Variants in SGCZ observed in about 807,000 individuals in gnomAD.
The protein encoded by SGCZ is sarcoglycan zeta.
In SGCZ, 40 loss-of-function variants were observed where a neutral mutation model predicts 41.3. The ratio of observed to expected loss-of-function variants is 0.97; its 90% CI spans 0.75 to 1.26. The LOEUF is 1.26. SGCZ is among the 50% of genes most tolerant of loss of function. The probability of loss-of-function intolerance (pLI) is 0.00; values close to 1 mark genes in which losing one functional copy is unlikely to be tolerated. For synonymous variants in SGCZ, 206 were observed against 137.5 expected (o/e 1.50, Z -3.49); for missense variants, 552 against 369.8 (o/e 1.49, Z -4.04).
intron 1 of SGCZ, among the ~76,000 whole-genome samples, chr8:15,018,440 C>A (rs188636543): frequency 2.3e-3 from 343 of 152,248 alleles, no homozygotes; most frequent in Non-Finnish European, 4.2e-3. Flanking sequence ...AGGCAGTACT[C>A]TAAGTTAGTC....
chr8:15,074,092 G>A (rs1805446755), intron 1 of SGCZ, among the ~76,000 whole-genome samples: 1 of 152,090 alleles, frequency 6.6e-6, no homozygotes, highest in African/African-American at 2.4e-5. Context: ...GAGCATTGTG[G>A]CCTAAGGACA....
At chr8:14,944,734 G>C (rs1391456012) in intron 1 of SGCZ, among the ~76,000 whole-genome samples, 1 of 152,082 alleles carries the variant, frequency 6.6e-6, no homozygotes, top group African/African-American at 2.4e-5. Context: ...TGAGGATTTT[G>C]CAATCTGAAA....
At chr8:15,048,271 A>G (rs1804384856) in intron 1 of SGCZ, among the ~76,000 whole-genome samples, 1 of 152,042 alleles carries the variant, frequency 6.6e-6, no homozygotes, top group Non-Finnish European at 1.5e-5. Context: ...TGTGGGAGCT[A>G]GATAAGTGGA....
At chr8:14,213,247 T>C (rs2117100650) in intron 4 of SGCZ, among the ~76,000 whole-genome samples, 1 of 152,158 alleles carries the variant, frequency 6.6e-6, no homozygotes, top group Non-Finnish European at 1.5e-5. Context: ...AGAAGACACA[T>C]ACCTAAATTT....
At chr8:14,849,634 C>A (rs963864408) in intron 1 of SGCZ, among the ~76,000 whole-genome samples, 3 of 152,106 alleles carry the variant, frequency 2.0e-5, no homozygotes, top group Non-Finnish European at 2.9e-5. Flanking sequence ...CTTTTCTCAG[C>A]TATACGTGGG....
chr8:14,252,712 T>C (rs995744581), intron 3 of SGCZ, among the ~76,000 whole-genome samples: 33 of 152,166 alleles, frequency 2.2e-4, no homozygotes, highest in African/African-American at 8.0e-4. Flanking sequence ...GGCTCAAGGA[T>C]ACAGTACTTG....
chr8:14,423,090 T>C (rs973691508), intron 2 of SGCZ, among the ~76,000 whole-genome samples: 1 of 152,024 alleles, frequency 6.6e-6, no homozygotes, highest in African/African-American at 2.4e-5. Context: ...TGAGTGTTCA[T>C]AGGTAAACCT....
At chr8:14,255,286 G>T (rs553021592) in intron 3 of SGCZ, among the ~76,000 whole-genome samples, 35 of 152,216 alleles carry the variant, frequency 2.3e-4, no homozygotes, top group Middle Eastern at 3.4e-3. Context: ...TGAACTCTTA[G>T]GTTGTTGATC....
chr8:15,070,691 G>A (rs907844016), intron 1 of SGCZ, among the ~76,000 whole-genome samples: 9 of 152,124 alleles, frequency 5.9e-5, no homozygotes, highest in Admixed American at 5.9e-4. Flanking sequence ...GGCTCAGTGT[G>A]ATATTTAGAT....
At chr8:14,180,930 G>C (rs959801944) in intron 4 of SGCZ, among the ~76,000 whole-genome samples, 1 of 151,800 alleles carries the variant, frequency 6.6e-6, no homozygotes, top group Non-Finnish European at 1.5e-5. Flanking sequence ...GGTGGTTCCA[G>C]CTATACTTGA....
intron 2 of SGCZ, among the ~76,000 whole-genome samples, chr8:14,462,355 T>G (rs1800925881): frequency 6.6e-6 from 1 of 152,084 alleles, no homozygotes; most frequent in Admixed American, 6.6e-5. Flanking sequence ...ATTATTTTAG[T>G]AAAATTTACT....
intron 2 of SGCZ, among the ~76,000 whole-genome samples, chr8:14,463,405 TAA>T (rs55785142): frequency 0.27 from 35,028 of 128,300 alleles, 4,492 homozygotes; most frequent in Admixed American, 0.34. Flanking sequence ...ACAAGTGGTG[TAA>T]AAAAAAAAAA....
At chr8:14,817,828 T>G (rs2130558261) in intron 1 of SGCZ, among the ~76,000 whole-genome samples, 1 of 152,240 alleles carries the variant, frequency 6.6e-6, no homozygotes, top group South Asian at 2.1e-4. Context: ...AGTTCAACAG[T>G]CAGCCCTGTG....
intron 1 of SGCZ, among the ~76,000 whole-genome samples, chr8:15,040,562 A>G (rs1804055347): frequency 6.6e-6 from 1 of 152,180 alleles, no homozygotes; most frequent in South Asian, 2.1e-4. Flanking sequence ...GGTTGGTTGC[A>G]GTGAGCCGAG....
In SGCZ at chr8:14,828,932, C is replaced by T. The variant is rs1802432232; in HGVS notation, c.40-274006G>A. Among the ~76,000 whole-genome samples, 6 of 151,188 alleles carry T rather than the reference C, an allele frequency of 4.0e-5. 1 individual carries two copies. In the South Asian group the frequency reaches 1.0e-3, roughly 26 times the overall value. On this transcript the variant is annotated intron_variant, in intron 1 of 7. Coordinates refer to ENST00000382080, the MANE Select transcript of SGCZ (RefSeq NM_139167.4). ...TTAGTAGACATCCATCTTAACAGTC[C>T]TGATATGGCTCCTTTGGAGTCCTTT... is the stretch of plus-strand genomic sequence containing the variant.
chr8:14,604,052 T>C (rs1385021949), intron 1 of SGCZ, among the ~76,000 whole-genome samples: 1 of 152,132 alleles, frequency 6.6e-6, no homozygotes, highest in Non-Finnish European at 1.5e-5. Context: ...AACAATCATA[T>C]TTTTTGTTCC....
intron 1 of SGCZ, among the ~76,000 whole-genome samples, chr8:14,680,934 C>G (rs1275663186): frequency 1.2e-4 from 9 of 74,464 alleles, no homozygotes; most frequent in African/African-American, 6.2e-4. Flanking sequence ...TTGAAGAATC[C>G]AAATGAAACA....
chr8:14,862,905 CT>C (rs1803803772), intron 1 of SGCZ, among the ~76,000 whole-genome samples: 1 of 151,976 alleles, frequency 6.6e-6, no homozygotes, highest in Non-Finnish European at 1.5e-5. Flanking sequence ...ACATGTTCTG[CT>C]TTTGAGAAGC....
chr8:14,788,580 T>C (rs1800847887), intron 1 of SGCZ, among the ~76,000 whole-genome samples: 3 of 152,160 alleles, frequency 2.0e-5, no homozygotes, highest in Non-Finnish European at 4.4e-5. Flanking sequence ...ATAATAATAA[T>C]ACCAATCTCA....
Sources: gnomAD v4.1 joint callset for allele counts (sites outside exome capture counted in the v4.1 genomes callset) on GRCh38, gnomAD v4.1.1 for gene constraint, MANE v1.5 for transcripts, NCBI Gene and HGNC (gene_info 2026-07-23, HGNC 2026-07-21) for gene names.